The following NPM1 variants were observed in gnomAD, a reference collection of about 807,000 sequenced individuals.
The protein encoded by NPM1 is nucleophosmin.
NPM1 carries 1 observed loss-of-function variant against 44.1 expected under a neutral mutation model. The ratio of observed to expected loss-of-function variants is 0.02; its 90% CI spans 0.01 to 0.11. The LOEUF (loss-of-function observed/expected upper bound fraction) is 0.11, where lower values mean the gene tolerates loss of function less well. NPM1 is among the 10% of genes least tolerant of loss of function. The pLI, the probability that NPM1 is intolerant of heterozygous loss-of-function variation, is 1.00. For synonymous variants in NPM1, 126 were observed against 111.8 expected, an observed-to-expected ratio of 1.13 and a Z score of -0.80; for missense variants, 197 against 347.8, an observed-to-expected ratio of 0.57 and a Z score of 3.45.
intron 9 of NPM1, 47 bp downstream of exon 9, chr5:171,405,450 C>T (rs1183747469): frequency 2.4e-6 from 2 of 825,272 alleles, no homozygotes; most frequent in Admixed American, 2.2e-5. Flanking sequence ...CCTCAAATTG[C>T]ACGTGTCTGG....
intron 6 of NPM1, among the ~76,000 whole-genome samples, chr5:171,398,192 C>G (rs1338967231): frequency 2.0e-5 from 3 of 152,196 alleles, no homozygotes; most frequent in Non-Finnish European, 2.9e-5. Context: ...ATGATGGTGG[C>G]CTTTGAACAA....
chr5:171,395,187 A>C (rs930781967), intron 6 of NPM1, among the ~76,000 whole-genome samples: 11 of 152,184 alleles, frequency 7.2e-5, no homozygotes, highest in African/African-American at 2.7e-4. Flanking sequence ...TCTCAGAAAA[A>C]TGGGTATAAA....
intron 6 of NPM1, among the ~76,000 whole-genome samples, chr5:171,395,867 T>A (rs1770854285): frequency 6.6e-6 from 1 of 152,212 alleles, no homozygotes; most frequent in Non-Finnish European, 1.5e-5. Context: ...TGCATAGTGC[T>A]GATGTATACT....
chr5:171,392,017 C>G lies in NPM1; in HGVS notation c.352+218C>G, dbSNP rs1403696657. Among the ~76,000 whole-genome samples, 3 of 152,108 alleles carry G rather than the reference C, an allele frequency of 2.0e-5. 1 individual carries two copies. The highest frequency in any genetic ancestry group is 4.2e-4 in the South Asian group (2 of 4,810). ...AGAGTACAGTGGCACGATCTTGGCT[C>G]ACTGGAACCTCTCCGGGATTCAAGC... On this transcript the variant is annotated intron_variant, in intron 4 of 10. Coordinates refer to ENST00000296930, the MANE Select transcript of NPM1 (RefSeq NM_002520.7).
intron 9 of NPM1, chr5:171,407,498 A>G (rs1263426466): frequency 1.8e-6 from 1 of 558,890 alleles, no homozygotes; most frequent in East Asian, 3.1e-5. Context: ...CCTTTGGCAA[A>G]TCTGTTTGAA....
chr5:171,401,910 G>A (rs952678525), intron 8 of NPM1, among the ~76,000 whole-genome samples: 9 of 151,924 alleles, frequency 5.9e-5, no homozygotes, highest in Admixed American at 2.0e-4. Flanking sequence ...TGCAGAAAAT[G>A]GAATTTAAAG....
chr5:171,390,303 C>T, intron 2 of NPM1, 173 bp downstream of exon 2: 1 of 466,090 alleles, frequency 2.1e-6, no homozygotes, highest in Non-Finnish European at 3.7e-6. Flanking sequence ...AACTTGGCAT[C>T]TATACCACTC....
intron 9 of NPM1, chr5:171,406,691 T>C: frequency 8.0e-7 from 1 of 1,242,280 alleles, no homozygotes; most frequent in Non-Finnish European, 1.0e-6. Context: ...CGCCTTTGTA[T>C]CTCCTTAGCT....
intron 10 of NPM1, among the ~76,000 whole-genome samples, chr5:171,409,410 G>A (rs1771715889): frequency 6.6e-6 from 1 of 151,996 alleles, no homozygotes; most frequent in Non-Finnish European, 1.5e-5. Context: ...AATTTAGCTG[G>A]GCATGGTGGC....
At chr5:171,403,551 C>A (rs1272900904) in intron 8 of NPM1, among the ~76,000 whole-genome samples, 1 of 114,552 alleles carries the variant, frequency 8.7e-6, no homozygotes, top group Non-Finnish European at 1.9e-5. Flanking sequence ...GGTGGCCGGG[C>A]AGAGGGGCTC....
intron 6 of NPM1, among the ~76,000 whole-genome samples, chr5:171,396,536 G>A (rs374627644): frequency 2.0e-5 from 3 of 152,052 alleles, no homozygotes; most frequent in Non-Finnish European, 4.4e-5. Context: ...ATATTTCTTC[G>A]GTATTGGAAA....
chr5:171,390,024 T>G (rs569812586), intron 1 of NPM1, 27 bp from the exon 2 acceptor site: 1 of 1,385,396 alleles, frequency 7.2e-7, no homozygotes, highest in South Asian at 1.3e-5. Flanking sequence ...TTCTCCTTGT[T>G]AGAGTTGCTT....
chr5:171,408,480 G>A (rs1469563579), intron 10 of NPM1, among the ~76,000 whole-genome samples: 1 of 152,248 alleles, frequency 6.6e-6, no homozygotes, highest in East Asian at 1.9e-4. Context: ...GGAAAATTTG[G>A]CAATTAGCTG....
At position 171,391,845 on chromosome 5, in the gene NPM1, T is replaced by G. The variant is rs373155923; in HGVS notation, c.352+46T>G. 4 of 1,192,492 alleles carry G rather than the reference T, an allele frequency of 3.4e-6. No homozygotes were observed. In the African/African-American group the frequency reaches 6.1e-5, roughly 18 times the overall value. The allele number at this position is 1,192,492 out of a possible 1,614,324, so 73.9% of individuals were successfully genotyped here. A position where few individuals can be genotyped will look rare whatever the true frequency, so the allele number is the denominator to read the frequency against. On this transcript the variant is annotated intron_variant, in intron 4 of 10. Transcript: ENST00000296930. Reference sequence around the variant, plus strand: ...ATACTACTTAGTTTGTCCTCTTTAGTGCAGTTGCTTGGTTCCCAGTTTGGA... The same window carrying G: ...ATACTACTTAGTTTGTCCTCTTTAGGGCAGTTGCTTGGTTCCCAGTTTGGA...
intron 1 of NPM1, 72 bp downstream of exon 1, chr5:171,388,078 G>GGGGTGGGGGGGT: frequency 3.2e-6 from 2 of 616,752 alleles, no homozygotes; most frequent in Non-Finnish European, 3.0e-6. Context: ...TGAGGGGCGG[G>GGGGTGGGGGGGT]AATCCGGCTG....
Position 171,392,994 on chromosome 5 carries a change from G to A in NPM1, c.524+16G>A, listed in dbSNP as rs753588362. The A allele has an allele frequency of 7.5e-6, 12 of 1,605,984 alleles. No homozygotes were observed. The highest frequency in any genetic ancestry group is 1.7e-5 in the Admixed American group (1 of 59,340). On this transcript the variant is annotated intron_variant, in intron 6 of 10. Coordinates refer to ENST00000296930, the MANE Select transcript of NPM1 (RefSeq NM_002520.7). ...ATGATGAAGAGTAAGTATGATTTTA[G>A]AAACTTGATATACTTCCGGAATCTT... is the stretch of plus-strand genomic sequence containing the variant.
At chr5:171,401,051 A>G in intron 8 of NPM1, 126 bp downstream of exon 8, 1 of 669,586 alleles carries the variant, frequency 1.5e-6, no homozygotes, top group South Asian at 1.8e-5. Flanking sequence ...GCTGTTTAAA[A>G]GTTAAAATCA....
chr5:171,401,365 A>G (rs1771189051), intron 8 of NPM1, among the ~76,000 whole-genome samples: 2 of 151,772 alleles, frequency 1.3e-5, no homozygotes, highest in Admixed American at 1.3e-4. Flanking sequence ...AAAAAAAATC[A>G]GCTTGTTGTG....
intron 6 of NPM1, among the ~76,000 whole-genome samples, chr5:171,399,173 A>AT (rs1413469319): frequency 8.5e-5 from 13 of 152,148 alleles, no homozygotes; most frequent in African/African-American, 3.1e-4. Context: ...CTTATAGCTG[A>AT]TTTTTTGAAA....
Sources: gnomAD v4.1 joint callset for allele counts (sites outside exome capture counted in the v4.1 genomes callset) on GRCh38, gnomAD v4.1.1 for gene constraint, MANE v1.5 for transcripts, NCBI Gene and HGNC (gene_info 2026-07-23, HGNC 2026-07-21) for gene names.